Variants in PRDM16 observed in about 807,000 individuals in gnomAD.
PRDM16 encodes PR/SET domain 16, also known as histone-lysine N-methyltransferase PRDM16.
PRDM16 carries 23 observed loss-of-function variants against 110.6 expected under a neutral mutation model. The ratio of observed to expected loss-of-function variants is 0.21; its 90% CI spans 0.15 to 0.29. PRDM16 has a LOEUF of 0.29. PRDM16 is among the 10% of genes least tolerant of loss of function. PRDM16 has a pLI of 1.00. For synonymous variants in PRDM16, 799 were observed against 781.8 expected (o/e 1.02, Z -0.37); for missense variants, 1,615 against 1,794.3 (o/e 0.90, Z 1.81).
In PRDM16 at chr1:3,403,723, C is replaced by T. The variant is rs150091956; in HGVS notation, c.884+725C>T. 1.3e-3 allele frequency among the ~76,000 whole-genome samples: 192 copies of T among 152,342 alleles called. 4 individuals carry two copies. In the East Asian group the frequency reaches 0.031, roughly 25 times the overall value. ...CTGTGGGGAGTGAAACCAGGACATT[C>T]AGTCCAGTGCTGTAAGGAGCTATGG... is the stretch of plus-strand genomic sequence containing the variant. On this transcript the variant is annotated intron_variant, in intron 6 of 16. Coordinates refer to ENST00000270722, the MANE Select transcript of PRDM16 (RefSeq NM_022114.4).
In PRDM16 at chr1:3,370,435, G is replaced by C. The variant is rs1288374691; in HGVS notation, c.439-14717G>C. Reference sequence around the variant, plus strand: ...GGCTGACAGTCTCAGTCATCTGGAGGCGCCTTCATTCATTCATTTGTTCCC... The same window carrying C: ...GGCTGACAGTCTCAGTCATCTGGAGCCGCCTTCATTCATTCATTTGTTCCC... On this transcript the variant is annotated intron_variant, in intron 3 of 16. Coordinates refer to ENST00000270722, the MANE Select transcript of PRDM16 (RefSeq NM_022114.4). The surrounding 1 kb of genome is among the most constrained non-coding windows in gnomAD (Gnocchi z 4.8). Among the ~76,000 whole-genome samples the C allele has an allele frequency of 6.6e-6, 1 of 152,136 alleles. No homozygotes were observed. Among genetic ancestry groups the C allele is most frequent in the Non-Finnish European group, 1.5e-5 (1 of 68,032 alleles).
intron 1 of PRDM16, among the ~76,000 whole-genome samples, chr1:3,094,469 G>A (rs1273484900): frequency 1.3e-5 from 2 of 152,242 alleles, no homozygotes; most frequent in African/African-American, 4.8e-5. Flanking sequence ...TGTTAGCTTG[G>A]CATCAGGATC....
chr1:3,301,655 G>A (rs80038294), intron 3 of PRDM16, among the ~76,000 whole-genome samples: 1 of 150,878 alleles, frequency 6.6e-6, no homozygotes, highest in African/African-American at 2.4e-5. Flanking sequence ...GGGCAGGACA[G>A]GGGATAGAGA....
At position 3,366,059 on chromosome 1, in the gene PRDM16, T is replaced by C. The variant is rs1307639929; in HGVS notation, c.439-19093T>C. Among the ~76,000 whole-genome samples, 3 of 152,116 alleles carry C rather than the reference T, an allele frequency of 2.0e-5. No individual in the cohort carries two copies. In the East Asian group the frequency reaches 5.8e-4, roughly 29 times the overall value. On this transcript the variant is annotated intron_variant, in intron 3 of 16. Transcript: ENST00000270722. ...ATGCCACATACGCACAGAACTGGCC[T>C]GTGGGGCCAGGGAGGGTCTGGGAAG...
chr1:3,136,879 C>A (rs1643449503), intron 1 of PRDM16, among the ~76,000 whole-genome samples: 1 of 152,170 alleles, frequency 6.6e-6, no homozygotes, highest in Non-Finnish European at 1.5e-5. Flanking sequence ...GGTTTACAGC[C>A]CCCACTGGCC....
intron 3 of PRDM16, among the ~76,000 whole-genome samples, chr1:3,331,397 A>T (rs1642039296): frequency 6.6e-6 from 1 of 152,154 alleles, no homozygotes; most frequent in Non-Finnish European, 1.5e-5. Context: ...ACAGCCCACC[A>T]GGGAATCCCC....
chr1:3,428,386 C>T (rs1349036837), intron 14 of PRDM16, among the ~76,000 whole-genome samples: 7 of 152,140 alleles, frequency 4.6e-5, no homozygotes, highest in African/African-American at 7.2e-5. Context: ...GCCTCCCCCT[C>T]GCCTATGGCA....
Position 3,225,569 on chromosome 1 carries a change from T to TGCGC in PRDM16, c.388-18517_388-18516insCGCG, listed in dbSNP as rs1431851886. 4.4e-4 allele frequency among the ~76,000 whole-genome samples: 53 copies of TGCGC among 121,734 alleles called. 1 individual carries two copies. Among genetic ancestry groups the TGCGC allele is most frequent in the African/African-American group, 2.0e-3 (53 of 26,704 alleles). The allele number at this position is 121,734 out of a possible 152,430, so 79.9% of individuals were successfully genotyped here. A position where few individuals can be genotyped will look rare whatever the true frequency, so the allele number is the denominator to read the frequency against. On this transcript the variant is annotated intron_variant, in intron 2 of 16. Transcript: ENST00000270722. ...GTGTGTGTGTGTGTGTGTGTGTGTG[T>TGCGC]GTGTGCGCGCGCGCAGAAGGAAGGA...
At chr1:3,158,893 AC>A (rs1643878241) in intron 1 of PRDM16, among the ~76,000 whole-genome samples, 1 of 147,432 alleles carries the variant, frequency 6.8e-6, no homozygotes, top group African/African-American at 2.5e-5. Context: ...CCCTGCCCCA[AC>A]CTCCCGAGTA....
intron 4 of PRDM16, among the ~76,000 whole-genome samples, chr1:3,395,688 G>A (rs541234943): frequency 1.3e-5 from 2 of 152,294 alleles, no homozygotes; most frequent in East Asian, 3.9e-4. Flanking sequence ...TCCCCTTTGT[G>A]AACTGCTAAT....
intron 1 of PRDM16, among the ~76,000 whole-genome samples, chr1:3,140,895 G>T (rs1197858451): frequency 8.5e-5 from 13 of 152,230 alleles, no homozygotes. Flanking sequence ...AGCTGGCGTG[G>T]GTGCCCCTGG....
chr1:3,404,141 A>C (rs1314646607), intron 6 of PRDM16, among the ~76,000 whole-genome samples: 1 of 152,188 alleles, frequency 6.6e-6, no homozygotes, highest in Non-Finnish European at 1.5e-5. Flanking sequence ...TTTGCTCATG[A>C]AGATTAACGG....
chr1:3,345,993 G>A (rs1404845462), intron 3 of PRDM16, among the ~76,000 whole-genome samples: 1 of 152,268 alleles, frequency 6.6e-6, no homozygotes, highest in Non-Finnish European at 1.5e-5. Flanking sequence ...GGCCTGCGGA[G>A]GGGCTGCCTG....
rs1641697260 is a variant in PRDM16 at position 3,069,617 on chromosome 1, AG to A, written c.37+326del. Among the ~76,000 whole-genome samples, 1 of 148,738 alleles carries A rather than the reference AG, an allele frequency of 6.7e-6. No individual in the cohort carries two copies. The highest frequency in any genetic ancestry group is 6.6e-5 in the Admixed American group (1 of 15,088). On this transcript the variant is annotated intron_variant, in intron 1 of 16. Transcript: ENST00000270722. The surrounding 1 kb of genome is among the most constrained non-coding windows in gnomAD (Gnocchi z 6.1). ...CGGTGGGGGCCGGGGAGGGGGGCGG[AG>A]GGGGAGGGCCGGGGGTGGAGGGGAG...
intron 2 of PRDM16, among the ~76,000 whole-genome samples, chr1:3,188,287 G>C (rs1392061453): frequency 6.6e-6 from 1 of 152,204 alleles, no homozygotes; most frequent in African/African-American, 2.4e-5. Flanking sequence ...GTGGATGTGA[G>C]AGGTCCAGGG....
At chr1:3,199,867 T>A (rs1181534801) in intron 2 of PRDM16, among the ~76,000 whole-genome samples, 1 of 152,174 alleles carries the variant, frequency 6.6e-6, no homozygotes, top group African/African-American at 2.4e-5. Flanking sequence ...AAGTCTGAGC[T>A]CTCAGAGGTG....
chr1:3,262,071 C>T (rs577785470), intron 3 of PRDM16, among the ~76,000 whole-genome samples: 43 of 152,324 alleles, frequency 2.8e-4, no homozygotes, highest in African/African-American at 8.4e-4. Flanking sequence ...GACTAATGCG[C>T]CCTCAGGCAC....
At chr1:3,200,498 ACG>A in intron 2 of PRDM16, among the ~76,000 whole-genome samples, 1 of 152,112 alleles carries the variant, frequency 6.6e-6, no homozygotes, top group Non-Finnish European at 1.5e-5. Flanking sequence ...GCCCGCCACC[ACG>A]CCTGGCTAAT....
At chr1:3,318,614 A>G (rs758185637) in intron 3 of PRDM16, among the ~76,000 whole-genome samples, 4 of 152,140 alleles carry the variant, frequency 2.6e-5, no homozygotes, top group Non-Finnish European at 5.9e-5. Flanking sequence ...GTATCTATCA[A>G]TTATCTATCT....
Sources: allele counts gnomAD v4.1 joint callset (sites outside exome capture counted in the v4.1 genomes callset), GRCh38; gene constraint gnomAD v4.1.1; non-coding constraint Gnocchi (gnomAD v3.1); transcripts MANE v1.5; gene names NCBI Gene and HGNC (gene_info 2026-07-23, HGNC 2026-07-21).